ADD2: variants seen among roughly 807,000 people sequenced by gnomAD.
ADD2 encodes the protein beta-adducin.
ADD2 carries 23 observed loss-of-function variants against 83.0 expected under a neutral mutation model. The ratio of observed to expected loss-of-function variants is 0.28; its 90% CI spans 0.20 to 0.39. The LOEUF (loss-of-function observed/expected upper bound fraction) is 0.39, where lower values mean the gene tolerates loss of function less well. Ranked by LOEUF, ADD2 falls within the 10% of genes least tolerant of loss-of-function variation. ADD2 has a pLI of 1.00. For missense variants in ADD2, 758 were observed against 944.9 expected (o/e 0.80, Z 2.59); for synonymous variants, 375 against 375.4 (o/e 1.00, Z 0.01).
At chr2:70,767,556 G>A (rs1461664511) in intron 1 of ADD2, 1 of 1,012,858 alleles carries the variant, frequency 9.9e-7, no homozygotes, top group Non-Finnish European at 1.2e-6. Flanking sequence ...CCGGCTAGGC[G>A]AGGCGAGGCT....
intron 1 of ADD2, among the ~76,000 whole-genome samples, chr2:70,761,608 A>G (rs1358634071): frequency 2.0e-5 from 3 of 150,192 alleles, no homozygotes; most frequent in Non-Finnish European, 4.4e-5. Flanking sequence ...AAAAAAAAAA[A>G]AGGAAGGAAG....
chr2:70,688,093 A>G lies in ADD2; in HGVS notation c.879T>C (p.Val293=), dbSNP rs1670834880. 1 of 1,614,044 alleles carries G rather than the reference A, an allele frequency of 6.2e-7. No homozygotes were observed. The highest frequency in any genetic ancestry group is 1.1e-5 in the South Asian group (1 of 91,078). Residue 293 remains valine (V), a synonymous_variant, in exon 9 of 16, where the codon GTT becomes GTC. Coordinates refer to ENST00000264436, the MANE Select transcript of ADD2 (RefSeq NM_001617.4). ...CCTCCTCTACCGTGTCACCCAGAGC[A>G]ACCACTCCATGGTTTCTTAGCACCA... ...KILVLRNHGV[V]ALGDTVEEAF...
At chr2:70,750,885 T>C (rs1674471402) in intron 1 of ADD2, among the ~76,000 whole-genome samples, 1 of 152,192 alleles carries the variant, frequency 6.6e-6, no homozygotes, top group Admixed American at 6.5e-5. Flanking sequence ...GGGCCAACAC[T>C]GAGACCTGGC....
intron 2 of ADD2, among the ~76,000 whole-genome samples, chr2:70,710,926 G>A (rs1189504787): frequency 1.3e-5 from 2 of 152,204 alleles, no homozygotes; most frequent in African/African-American, 4.8e-5. Context: ...CTTAGCATTA[G>A]GAATTCAAGT....
chr2:70,677,411 A>G (rs782465799), intron 12 of ADD2, among the ~76,000 whole-genome samples: 1 of 152,264 alleles, frequency 6.6e-6, no homozygotes, highest in Admixed American at 6.5e-5. Flanking sequence ...ACGCAAGTGA[A>G]CTGTCAGGCA....
chr2:70,757,290 G>C (rs202039708), intron 1 of ADD2, among the ~76,000 whole-genome samples: 8 of 650 alleles, frequency 0.012, no homozygotes, highest in Non-Finnish European at 0.053. Flanking sequence ...GGGATTTGTG[G>C]GGGGGGGGGA....
At position 70,676,519 on chromosome 2, in the gene ADD2, T is replaced by A; in HGVS notation, c.1593+277A>T. ...TAAGGGAGGACAGAGTGGAGTTCCA[T>A]GGCAGGAGGTACGGAAGCCGGCCGC... On this transcript the variant is annotated intron_variant, in intron 13 of 15. Coordinates refer to ENST00000264436, the MANE Select transcript of ADD2 (RefSeq NM_001617.4). The surrounding 1 kb of genome is among the most constrained non-coding windows in gnomAD (Gnocchi z 4.8). 2.2e-6 allele frequency: 3 copies of A among 1,381,466 alleles called. No individual in the cohort carries two copies. Among genetic ancestry groups the A allele is most frequent in the Non-Finnish European group, 2.8e-6 (3 of 1,063,694 alleles). The allele number at this position is 1,381,466 out of a possible 1,614,324, so 85.6% of individuals were successfully genotyped here.
chr2:70,764,679 G>A (rs1252562996), intron 1 of ADD2, among the ~76,000 whole-genome samples: 1 of 151,996 alleles, frequency 6.6e-6, no homozygotes, highest in Non-Finnish European at 1.5e-5. Flanking sequence ...AGCTACTCAG[G>A]AGGGAGAGGT....
intron 1 of ADD2, among the ~76,000 whole-genome samples, chr2:70,750,445 G>T (rs1270426735): frequency 6.6e-6 from 1 of 152,166 alleles, no homozygotes; most frequent in Non-Finnish European, 1.5e-5. Context: ...GTGGATTAGG[G>T]TAGGTCCTAA....
At chr2:70,727,912 T>TAAAC (rs1673091385) in intron 1 of ADD2, among the ~76,000 whole-genome samples, 1 of 150,298 alleles carries the variant, frequency 6.7e-6, no homozygotes, top group Admixed American at 6.6e-5. Context: ...AATAAATAAA[T>TAAAC]AAATAAATAA....
chr2:70,695,622 C>T (rs782128702), intron 6 of ADD2, 99 bp downstream of exon 6: 118 of 1,074,674 alleles, frequency 1.1e-4, no homozygotes, highest in South Asian at 5.2e-4. Context: ...AGCTCCACAG[C>T]GCAACAGTGA....
At chr2:70,663,910 C>G (rs1184456988) in intron 15 of ADD2, among the ~76,000 whole-genome samples, 175 bp from the exon 16 acceptor site, 4 of 152,194 alleles carry the variant, frequency 2.6e-5, no homozygotes, top group Non-Finnish European at 5.9e-5. Context: ...GGGTTCTGAT[C>G]TGCACCTTCC....
intron 1 of ADD2, among the ~76,000 whole-genome samples, chr2:70,738,783 T>C (rs1189463273): frequency 6.6e-6 from 1 of 152,190 alleles, no homozygotes; most frequent in Non-Finnish European, 1.5e-5. Context: ...TGTAAAGAGA[T>C]GTATCTATGA....
Position 70,683,682 on chromosome 2 carries a change from A to C in ADD2, c.1034T>G (p.Val345Gly). 6.2e-7 allele frequency: 1 copy of C among 1,614,146 alleles called. No individual in the cohort carries two copies. The highest frequency in any genetic ancestry group is 8.5e-7 in the Non-Finnish European group (1 of 1,180,010). ...EKHRPHEVGS[V>G]QWAGSTFGPM... ...CCCAAAGGTGCTCCCGGCCCACTGC[A>C]CGGAGCCCACCTCATGGGGCCGGTG... The change falls in exon 10 of 16, where the codon GTG (valine) becomes GGG (glycine). Residue 345 changes from valine to glycine, a missense_variant. By Grantham distance (109) the Val-to-Gly change is moderately radical. Around this residue, in one of 5 missense-constraint regions of ADD2, gnomAD observed 394 missense variants for 509.3 expected, o/e 0.77. Transcript: ENST00000264436.
chr2:70,755,257 C>T (rs574888087), intron 1 of ADD2, among the ~76,000 whole-genome samples: 33 of 152,304 alleles, frequency 2.2e-4, no homozygotes, highest in African/African-American at 7.0e-4. Flanking sequence ...GCTCCACTCT[C>T]GGCCAATGAT....
At chr2:70,683,792 C>G (rs782805681) in intron 9 of ADD2, 25 bp from the exon 10 acceptor site, 1 of 1,598,700 alleles carries the variant, frequency 6.3e-7, no homozygotes, top group Admixed American at 1.7e-5. Context: ...AGAGAGCCCT[C>G]AGCCCATGTG....
intron 1 of ADD2, chr2:70,760,528 G>A (rs1321237983): frequency 6.6e-6 from 1 of 152,170 alleles, no homozygotes; most frequent in Non-Finnish European, 1.5e-5. Flanking sequence ...AAGTTTCAGA[G>A]AAACAAGTCT....
chr2:70,701,676 ACACACATG>A (rs1671590439), intron 4 of ADD2, among the ~76,000 whole-genome samples: 1 of 152,174 alleles, frequency 6.6e-6, no homozygotes, highest in Non-Finnish European at 1.5e-5. Flanking sequence ...GCTAGTGTAT[ACACACATG>A]CACACACACA....
At chr2:70,738,525 C>T (rs573916357) in intron 1 of ADD2, among the ~76,000 whole-genome samples, 1 of 152,274 alleles carries the variant, frequency 6.6e-6, no homozygotes, top group East Asian at 1.9e-4. Context: ...AGGGTCTGTA[C>T]CCTCCAGAAA....
Sources: allele counts gnomAD v4.1 joint callset (sites outside exome capture counted in the v4.1 genomes callset), GRCh38; gene constraint gnomAD v4.1.1; regional missense constraint gnomAD v4.1.1; non-coding constraint Gnocchi (gnomAD v3.1); transcripts MANE v1.5; gene names NCBI Gene and HGNC (gene_info 2026-07-23, HGNC 2026-07-21).